DAB1: variants seen among roughly 807,000 people sequenced by gnomAD.
DAB1 encodes the protein disabled homolog 1.
In DAB1, 15 loss-of-function variants were observed where a neutral mutation model predicts 64.6. That is an observed-to-expected ratio of 0.23 (90% CI 0.16 to 0.36). The LOEUF is 0.36. DAB1 is among the 10% of genes least tolerant of loss of function. The pLI, the probability that DAB1 is intolerant of heterozygous loss-of-function variation, is 1.00. For missense variants in DAB1, 596 were observed against 706.7 expected (o/e 0.84, Z 1.78); for synonymous variants, 235 against 251.9 (o/e 0.93, Z 0.64).
At chr1:58,440,372 T>C (rs940007871) in intron 3 of DAB1, among the ~76,000 whole-genome samples, 6 of 152,206 alleles carry the variant, frequency 3.9e-5, no homozygotes, top group African/African-American at 1.4e-4. Context: ...AGGAGGGCCA[T>C]ATTAATACCC....
At chr1:57,479,541 G>T (rs1643985024) in intron 7 of DAB1, among the ~76,000 whole-genome samples, 1 of 151,800 alleles carries the variant, frequency 6.6e-6, no homozygotes, top group African/African-American at 2.4e-5. Context: ...GTTTAAAATA[G>T]AAATAACATT....
At chr1:58,244,816 T>C (rs1224981914) in intron 4 of DAB1, among the ~76,000 whole-genome samples, 2 of 152,252 alleles carry the variant, frequency 1.3e-5, no homozygotes, top group East Asian at 1.9e-4. Flanking sequence ...GTTAGGAGGA[T>C]GAAACCAGAG....
At chr1:57,754,516 T>G (rs1392179615) in intron 6 of DAB1, among the ~76,000 whole-genome samples, 1 of 150,066 alleles carries the variant, frequency 6.7e-6, no homozygotes, top group Non-Finnish European at 1.5e-5. Flanking sequence ...TAAAACCCCG[T>G]CTCTACTAAA....
At chr1:57,725,921 C>G (rs535882923) in intron 6 of DAB1, among the ~76,000 whole-genome samples, 1 of 152,032 alleles carries the variant, frequency 6.6e-6, no homozygotes, top group East Asian at 1.9e-4. Context: ...CTGGCTAATG[C>G]TTTTGTATTT....
At position 57,983,045 on chromosome 1, in the gene DAB1, C is replaced by T. The variant is rs188483557; in HGVS notation, n.388-98883G>A. Among the ~76,000 whole-genome samples the T allele has an allele frequency of 5.5e-3, 835 of 152,298 alleles. 11 individuals carry two copies. Among genetic ancestry groups the T allele is most frequent in the African/African-American group, 0.019 (805 of 41,566 alleles). ...CAGCCAGATCTGTTTGAGTCCAATTCCTGCTCTTACAGTGTACGGTGAAGC... is the reference window on the plus strand; with the variant it reads ...CAGCCAGATCTGTTTGAGTCCAATTTCTGCTCTTACAGTGTACGGTGAAGC... On this transcript the variant is annotated intron_variant and non_coding_transcript_variant, in intron 5 of 20. Transcript: ENST00000485760.
intron 2 of DAB1, among the ~76,000 whole-genome samples, chr1:57,154,497 A>G (rs1197396948): frequency 2.6e-5 from 4 of 152,238 alleles, no homozygotes; most frequent in African/African-American, 9.6e-5. Flanking sequence ...CAGTGCTGCA[A>G]CAAACATGAG....
At chr1:57,953,033 G>A (rs1470179255) in intron 5 of DAB1, among the ~76,000 whole-genome samples, 1 of 152,208 alleles carries the variant, frequency 6.6e-6, no homozygotes, top group East Asian at 1.9e-4. Context: ...TCACTCCCAT[G>A]TGTGATGGTG....
chr1:58,349,394 A>G (rs1353300025), intron 3 of DAB1, among the ~76,000 whole-genome samples: 2 of 152,236 alleles, frequency 1.3e-5, no homozygotes, highest in African/African-American at 2.4e-5. Context: ...GCCCTGTCCA[A>G]AAGAGAAGTT....
chr1:58,085,988 G>C (rs922163508), intron 5 of DAB1, among the ~76,000 whole-genome samples: 1 of 130,758 alleles, frequency 7.6e-6, no homozygotes, highest in Non-Finnish European at 1.6e-5. Context: ...TTTTGAGACG[G>C]AGTCTCGCTC....
At chr1:58,491,115 T>A (rs952331389) in intron 3 of DAB1, among the ~76,000 whole-genome samples, 2 of 151,996 alleles carry the variant, frequency 1.3e-5, no homozygotes, top group Non-Finnish European at 2.9e-5. Context: ...CCCTTCAACA[T>A]ACTTAAAGAA....
intron 2 of DAB1, among the ~76,000 whole-genome samples, chr1:57,174,318 C>T (rs908604306): frequency 2.0e-5 from 3 of 152,102 alleles, no homozygotes; most frequent in Admixed American, 2.0e-4. Context: ...CTGCTGTCCC[C>T]TAGAAGTTAT....
chr1:57,920,680 A>G (rs1644795330), intron 5 of DAB1, among the ~76,000 whole-genome samples: 1 of 152,190 alleles, frequency 6.6e-6, no homozygotes. Flanking sequence ...ATCCTCATGT[A>G]CAAAATACCT....
At chr1:57,829,873 G>C (rs1427009180) in intron 1 of DAB1, among the ~76,000 whole-genome samples, 2 of 152,210 alleles carry the variant, frequency 1.3e-5, no homozygotes, top group Admixed American at 1.3e-4. Context: ...TATCTCATGT[G>C]AGCATTACTG....
intron 4 of DAB1, among the ~76,000 whole-genome samples, chr1:58,154,361 A>C (rs1309009838): frequency 2.0e-5 from 3 of 152,150 alleles, no homozygotes; most frequent in Non-Finnish European, 4.4e-5. Flanking sequence ...ACCCTCACTG[A>C]GACTACAATC....
chr1:57,262,587 A>G (rs2100560920), intron 2 of DAB1, among the ~76,000 whole-genome samples: 1 of 152,236 alleles, frequency 6.6e-6, no homozygotes, highest in Middle Eastern at 3.4e-3. Flanking sequence ...TTTTACTTAC[A>G]CCTACTTTCC....
At chr1:57,324,013 CAT>C (rs748371862) in intron 1 of DAB1, among the ~76,000 whole-genome samples, 40 of 152,248 alleles carry the variant, frequency 2.6e-4, no homozygotes, top group Middle Eastern at 3.4e-3. Flanking sequence ...AAAAGTTACA[CAT>C]GTTTGGGGCA....
intron 4 of DAB1, among the ~76,000 whole-genome samples, chr1:58,337,612 A>T (rs1308211685): frequency 1.3e-5 from 2 of 152,186 alleles, no homozygotes; most frequent in African/African-American, 2.4e-5. Context: ...CTCATATGTA[A>T]AGTGAGAATA....
intron 6 of DAB1, among the ~76,000 whole-genome samples, chr1:57,682,463 C>T (rs1252473415): frequency 6.6e-6 from 1 of 150,768 alleles, no homozygotes. Flanking sequence ...TTGGGCAGGT[C>T]TATGGAGACA....
chr1:57,889,894 T>TGGGGGG (rs1259975929), intron 5 of DAB1, among the ~76,000 whole-genome samples: 6 of 8,000 alleles, frequency 7.5e-4, no homozygotes, highest in African/African-American at 2.0e-3. Context: ...TAGCACAAAC[T>TGGGGGG]GGGGCGGGGG....
Sources: allele counts gnomAD v4.1 joint callset (sites outside exome capture counted in the v4.1 genomes callset), GRCh38; gene constraint gnomAD v4.1.1; transcripts MANE v1.5; gene names NCBI Gene and HGNC (gene_info 2026-07-23, HGNC 2026-07-21).